TLK1: variants seen among roughly 807,000 people sequenced by gnomAD.
TLK1 encodes the protein serine/threonine-protein kinase tousled-like 1.
A neutral mutation model predicts 105.3 loss-of-function variants in TLK1; 24 were observed. That is an observed-to-expected ratio of 0.23 (90% CI 0.17 to 0.32). TLK1 has a LOEUF of 0.32. Ranked by LOEUF, TLK1 falls within the 10% of genes least tolerant of loss-of-function variation. TLK1 has a pLI of 1.00. For missense variants in TLK1, 558 were observed against 910.5 expected, an observed-to-expected ratio of 0.61 and a Z score of 4.98; for synonymous variants, 321 against 310.4, an observed-to-expected ratio of 1.03 and a Z score of -0.36.
intron 1 of TLK1, among the ~76,000 whole-genome samples, chr2:171,212,837 GT>G (rs1248640869): frequency 6.6e-6 from 1 of 151,976 alleles, no homozygotes; most frequent in Non-Finnish European, 1.5e-5. Flanking sequence ...CAGCATTTTA[GT>G]TTTAGTGCTC....
intron 1 of TLK1, among the ~76,000 whole-genome samples, chr2:171,176,475 A>G (rs956574696): frequency 6.6e-6 from 1 of 152,074 alleles, no homozygotes; most frequent in African/African-American, 2.4e-5. Context: ...TTCTTTCCCC[A>G]GTTTTCCCAT....
intron 2 of TLK1, among the ~76,000 whole-genome samples, chr2:171,101,627 T>C (rs1226491644): frequency 6.6e-6 from 1 of 152,222 alleles, no homozygotes; most frequent in Non-Finnish European, 1.5e-5. Flanking sequence ...ATTTTGATGG[T>C]ATGTTAATTA....
chr2:171,114,778 T>A (rs1047785981), intron 2 of TLK1, among the ~76,000 whole-genome samples: 1 of 151,930 alleles, frequency 6.6e-6, no homozygotes, highest in African/African-American at 2.4e-5. Flanking sequence ...GAAGGTGCAG[T>A]GAGCCAAGAT....
chr2:171,059,960 A>C, intron 4 of TLK1: 2 of 1,605,020 alleles, frequency 1.2e-6, no homozygotes, highest in Non-Finnish European at 1.7e-6. Context: ...TAGGCCAAGG[A>C]CTGGAAGACC....
At position 171,218,706 on chromosome 2, in the gene TLK1, C is replaced by T. The variant is rs1258251432; in HGVS notation, c.-6+12439G>A. On this transcript the variant is annotated intron_variant, in intron 1 of 20. Coordinates refer to the TLK1 transcript ENST00000521943. ...GGGGGACTAACCCTCATGTTAGTGT[C>T]CTCATGTGGAGAGGCAAAAGTGCAA... 2.6e-5 allele frequency among the ~76,000 whole-genome samples: 4 copies of T among 152,112 alleles called. No homozygotes were observed. The East Asian group carries it at 7.7e-4, about 29-fold the overall frequency.
intron 11 of TLK1, among the ~76,000 whole-genome samples, chr2:171,037,315 G>T (rs922299796): frequency 1.1e-4 from 17 of 151,756 alleles, no homozygotes; most frequent in Middle Eastern, 3.4e-3. Flanking sequence ...GTGGCGCATG[G>T]CTGTAGTCCC....
chr2:171,097,828 G>C (rs1050773518), intron 2 of TLK1, among the ~76,000 whole-genome samples: 1 of 152,052 alleles, frequency 6.6e-6, no homozygotes, highest in African/African-American at 2.4e-5. Flanking sequence ...GGGAGGCTCA[G>C]GCAGGAGAAT....
intron 1 of TLK1, among the ~76,000 whole-genome samples, chr2:171,187,727 GTC>G (rs2105311639): frequency 6.6e-6 from 1 of 152,160 alleles, no homozygotes; most frequent in South Asian, 2.1e-4. Flanking sequence ...GTCTGCCTGC[GTC>G]TGCTAGAATG....
At chr2:171,123,316 C>T (rs1334768522) in intron 1 of TLK1, among the ~76,000 whole-genome samples, 2 of 152,148 alleles carry the variant, frequency 1.3e-5, no homozygotes, top group Non-Finnish European at 2.9e-5. Flanking sequence ...CCCACCTCAG[C>T]CTCCCAAGTA....
chr2:171,005,857 A>C (rs1247136877), intron 18 of TLK1, among the ~76,000 whole-genome samples: 1 of 152,240 alleles, frequency 6.6e-6, no homozygotes, highest in Non-Finnish European at 1.5e-5. Context: ...ACATTGTAGA[A>C]GAAAACCCAT....
chr2:171,213,987 C>T (rs1459913356), intron 1 of TLK1, among the ~76,000 whole-genome samples: 8 of 151,158 alleles, frequency 5.3e-5, no homozygotes, highest in Non-Finnish European at 1.2e-4. Flanking sequence ...TGGAGCTCAC[C>T]TCTAGCAGCC....
chr2:171,096,327 C>T (rs1373505325), intron 2 of TLK1, among the ~76,000 whole-genome samples: 6 of 151,914 alleles, frequency 3.9e-5, no homozygotes, highest in Admixed American at 2.0e-4. Flanking sequence ...TAGCGAGACC[C>T]CATCTCTATA....
At chr2:171,072,852 C>T (rs888176699) in intron 3 of TLK1, among the ~76,000 whole-genome samples, 1 of 144,990 alleles carries the variant, frequency 6.9e-6, no homozygotes. Context: ...TTGCTTGAAC[C>T]GGGGAGGTGG....
intron 11 of TLK1, among the ~76,000 whole-genome samples, chr2:171,033,080 C>T (rs1404890205): frequency 6.6e-6 from 1 of 151,968 alleles, no homozygotes; most frequent in Non-Finnish European, 1.5e-5. Flanking sequence ...GTGATGGGCA[C>T]CTGCAATCCC....
chr2:171,132,899 A>G (rs1691159517), intron 1 of TLK1, among the ~76,000 whole-genome samples: 1 of 151,934 alleles, frequency 6.6e-6, no homozygotes, highest in Non-Finnish European at 1.5e-5. Flanking sequence ...CTAAATCTCA[A>G]CTCCACCACA....
intron 1 of TLK1, among the ~76,000 whole-genome samples, chr2:171,128,684 A>G (rs1433254792): frequency 6.6e-6 from 1 of 152,136 alleles, no homozygotes; most frequent in Non-Finnish European, 1.5e-5. Context: ...CTCTTCCTCT[A>G]GCCTCAAACT....
At chr2:171,011,282 C>T (rs1559340171) in intron 14 of TLK1, 91 bp downstream of exon 14, 1 of 1,140,470 alleles carries the variant, frequency 8.8e-7, no homozygotes, top group Non-Finnish European at 1.2e-6. Context: ...GTGTGAGCCA[C>T]CATGCCCAGA....
chr2:171,036,695 T>C (rs1686358129), intron 11 of TLK1, among the ~76,000 whole-genome samples: 1 of 152,228 alleles, frequency 6.6e-6, no homozygotes, highest in Non-Finnish European at 1.5e-5. Flanking sequence ...AGTTTCAGTT[T>C]CACAGATGAA....
chr2:171,009,998 C>T (rs1684830043), intron 14 of TLK1, among the ~76,000 whole-genome samples: 1 of 152,184 alleles, frequency 6.6e-6, no homozygotes, highest in South Asian at 2.1e-4. Context: ...TGGGAAGCTA[C>T]TGGGGCTTTC....
Sources: gnomAD v4.1 joint callset for allele counts (sites outside exome capture counted in the v4.1 genomes callset) on GRCh38, gnomAD v4.1.1 for gene constraint, MANE v1.5 for transcripts, NCBI Gene and HGNC (gene_info 2026-07-23, HGNC 2026-07-21) for gene names.